Variants in ARHGAP32 observed in about 807,000 individuals in gnomAD.
The protein encoded by ARHGAP32 is Rho GTPase activating protein 32.
Under a neutral mutation model 186.5 loss-of-function variants are expected in ARHGAP32, and 51 were observed. That is an observed-to-expected ratio of 0.27 (90% CI 0.22 to 0.35). ARHGAP32 has a LOEUF of 0.35. Ranked by LOEUF, ARHGAP32 falls within the 10% of genes least tolerant of loss-of-function variation. ARHGAP32 has a pLI of 1.00. For missense variants in ARHGAP32, 2,186 were observed against 2,623.5 expected, an observed-to-expected ratio of 0.83 and a Z score of 3.64; for synonymous variants, 950 against 964.3, an observed-to-expected ratio of 0.99 and a Z score of 0.27.
chr11:129,216,843 A>G (rs1944654557), intron 1 of ARHGAP32, among the ~76,000 whole-genome samples: 2 of 151,964 alleles, frequency 1.3e-5, no homozygotes, highest in South Asian at 4.1e-4. Context: ...GTTTTTTTCT[A>G]AAATTATTAA....
chr11:129,033,619 A>G (rs923218828), intron 11 of ARHGAP32, among the ~76,000 whole-genome samples: 3 of 152,146 alleles, frequency 2.0e-5, no homozygotes, highest in Non-Finnish European at 4.4e-5. Flanking sequence ...TTTAATTATT[A>G]AGCTTTTCAG....
rs1945443133 is a variant in ARHGAP32, at chr11:128,973,194, T to G, written c.3312A>C (p.Ala1104=). ...TEDNLSSSYS[A]VALDKAYFQT... is the part of the protein sequence containing the mutation. The stretch of plus-strand genomic sequence containing the variant: ...GGAAATAGGCCTTATCTAGAGCAAC[T>G]GCAGAGTAAGAACTGGACAGATTAT... The change falls in exon 22 of 23, where the codon GCA becomes GCC. Residue 1104 remains alanine (A), a synonymous_variant. Transcript: ENST00000682385. The G allele has an allele frequency of 6.2e-7, 1 of 1,614,074 alleles. No individual in the cohort carries two copies. The highest frequency in any genetic ancestry group is 1.3e-5 in the African/African-American group (1 of 74,944).
intron 6 of ARHGAP32, among the ~76,000 whole-genome samples, chr11:129,070,500 T>G (rs1691054621): frequency 6.6e-6 from 1 of 151,154 alleles, no homozygotes; most frequent in Admixed American, 6.6e-5. Context: ...ACTTCCAAAC[T>G]GACAGATTTG....
chr11:129,036,107 G>A (rs527688129), intron 11 of ARHGAP32, among the ~76,000 whole-genome samples: 4 of 151,890 alleles, frequency 2.6e-5, no homozygotes, highest in East Asian at 2.0e-4. Flanking sequence ...GGCCAGGCAC[G>A]GTGGCTCACA....
intron 1 of ARHGAP32, among the ~76,000 whole-genome samples, chr11:129,216,160 T>C (rs1330086893): frequency 2.0e-5 from 3 of 152,054 alleles, no homozygotes; most frequent in East Asian, 1.9e-4. Flanking sequence ...TTTCTACTCT[T>C]ATAGCCGCCA....
rs1271152285 is a variant in ARHGAP32 at position 128,967,122 on chromosome 11, A to G, written c.*1785T>C. On this transcript the variant is annotated 3_prime_UTR_variant, in exon 23 of 23. Coordinates refer to ENST00000682385, the MANE Select transcript of ARHGAP32 (RefSeq NM_001378024.1). ...AGGGAACAAAAGAAAACCTTATAGAATATTTCCACATATCAATGTGTTGTT... is the reference window on the plus strand; with the variant it reads ...AGGGAACAAAAGAAAACCTTATAGAGTATTTCCACATATCAATGTGTTGTT... The G allele has an allele frequency of 6.6e-6, 1 of 152,236 alleles. No individual in the cohort carries two copies. The highest frequency in any genetic ancestry group is 1.5e-5 in the Non-Finnish European group (1 of 68,050). 9.4% of individuals were successfully genotyped at this position (152,236 alleles called of 1,614,324 possible).
At chr11:129,052,736 C>A (rs1252612582) in intron 10 of ARHGAP32, among the ~76,000 whole-genome samples, 1 of 152,030 alleles carries the variant, frequency 6.6e-6, no homozygotes, top group Non-Finnish European at 1.5e-5. Context: ...AAGGTCTTCA[C>A]ATAGTTGTCC....
chr11:129,230,078 GTGC>G (rs1235773397), intron 1 of ARHGAP32, among the ~76,000 whole-genome samples: 1 of 152,124 alleles, frequency 6.6e-6, no homozygotes, highest in Non-Finnish European at 1.5e-5. Context: ...GCCTCCCAAA[GTGC>G]TGATTACAAG....
intron 11 of ARHGAP32, among the ~76,000 whole-genome samples, chr11:129,009,721 T>A (rs1235508379): frequency 1.3e-5 from 2 of 152,218 alleles, no homozygotes; most frequent in African/African-American, 2.4e-5. Context: ...CCCTTTTTTT[T>A]AATCTAGTCT....
intron 10 of ARHGAP32, among the ~76,000 whole-genome samples, chr11:129,042,029 C>T (rs138155113): frequency 1.3e-5 from 2 of 152,344 alleles, no homozygotes; most frequent in East Asian, 1.9e-4. Context: ...ATTATTTTCA[C>T]ATACTCATTT....
At chr11:129,277,486 C>A (rs1040355108) in intron 1 of ARHGAP32, among the ~76,000 whole-genome samples, 2 of 152,152 alleles carry the variant, frequency 1.3e-5, no homozygotes, top group African/African-American at 4.8e-5. Context: ...TCCTCTCTGT[C>A]CCACTTATGT....
chr11:129,109,774 T>G (rs1316200900), intron 5 of ARHGAP32, among the ~76,000 whole-genome samples: 1 of 152,080 alleles, frequency 6.6e-6, no homozygotes, highest in African/African-American at 2.4e-5. Flanking sequence ...AGATTTGTGT[T>G]TTTTTATTTT....
At chr11:129,070,916 C>T (rs1940847111) in intron 6 of ARHGAP32, among the ~76,000 whole-genome samples, 1 of 152,006 alleles carries the variant, frequency 6.6e-6, no homozygotes, top group African/African-American at 2.4e-5. Flanking sequence ...TTCTCAGTCA[C>T]TTTTATTTCT....
At chr11:128,999,273 G>C (rs1946287903) in intron 11 of ARHGAP32, among the ~76,000 whole-genome samples, 1 of 152,118 alleles carries the variant, frequency 6.6e-6, no homozygotes, top group African/African-American at 2.4e-5. Flanking sequence ...AATACGCCCT[G>C]GTCTCCTGCG....
chr11:129,163,387 T>C (rs1429897632), intron 2 of ARHGAP32, among the ~76,000 whole-genome samples: 3 of 152,092 alleles, frequency 2.0e-5, no homozygotes, highest in African/African-American at 7.2e-5. Flanking sequence ...ACTAAATGAG[T>C]ATCTCAAATG....
chr11:129,127,253 C>A (rs1942683962), intron 2 of ARHGAP32, among the ~76,000 whole-genome samples: 2 of 152,118 alleles, frequency 1.3e-5, no homozygotes, highest in African/African-American at 4.8e-5. Flanking sequence ...GGAAACATGA[C>A]CCAAAGGTAA....
At chr11:129,113,569 T>C (rs1942284611) in intron 5 of ARHGAP32, among the ~76,000 whole-genome samples, 1 of 152,058 alleles carries the variant, frequency 6.6e-6, no homozygotes. Context: ...TTAGTTTTTT[T>C]CCAGATTTCT....
chr11:129,072,997 G>A (rs777547161), intron 6 of ARHGAP32, among the ~76,000 whole-genome samples: 1 of 152,100 alleles, frequency 6.6e-6, no homozygotes, highest in Non-Finnish European at 1.5e-5. Context: ...TCCAGTCATC[G>A]TGTCCTACCT....
chr11:129,039,928 C>T (rs1939340), intron 11 of ARHGAP32, among the ~76,000 whole-genome samples: 1,769 of 152,220 alleles, frequency 0.012, 33 homozygotes, highest in African/African-American at 0.04. Context: ...AGCATTTTCT[C>T]TACTGAACAA....
Sources: allele counts gnomAD v4.1 joint callset (sites outside exome capture counted in the v4.1 genomes callset), GRCh38; gene constraint gnomAD v4.1.1; transcripts MANE v1.5; gene names NCBI Gene and HGNC (gene_info 2026-07-23, HGNC 2026-07-21).